The following RYR2 variants were observed in gnomAD, a reference collection of about 807,000 sequenced individuals.
The protein encoded by RYR2 is ryanodine receptor 2.
RYR2 carries 227 observed loss-of-function variants against 601.1 expected under a neutral mutation model. The observed-to-expected ratio is 0.38, with a 90% CI of 0.34 to 0.42. The LOEUF is 0.42. Ranked by LOEUF, RYR2 falls within the 10% of genes least tolerant of loss-of-function variation. RYR2 has a pLI of 1.00. For synonymous variants in RYR2, 2,223 were observed against 2,175.1 expected (o/e 1.02, Z -0.61); for missense variants, 4,646 against 6,156.5 (o/e 0.75, Z 8.21).
intron 24 of RYR2, among the ~76,000 whole-genome samples, chr1:237,522,206 C>G (rs1341499141): frequency 6.6e-6 from 1 of 152,090 alleles, no homozygotes; most frequent in East Asian, 1.9e-4. Flanking sequence ...CAGGGCTGTC[C>G]AATCTTCTGG....
At chr1:237,235,785 C>T (rs1685495738) in intron 1 of RYR2, among the ~76,000 whole-genome samples, 5 of 152,196 alleles carry the variant, frequency 3.3e-5, no homozygotes, top group Admixed American at 3.3e-4. Flanking sequence ...AGGCTAGGAA[C>T]TTGGTCATTA....
At chr1:237,541,754 T>C (rs1301238409) in intron 25 of RYR2, among the ~76,000 whole-genome samples, 2 of 152,050 alleles carry the variant, frequency 1.3e-5, no homozygotes, top group Non-Finnish European at 2.9e-5. Context: ...GGGGATTTGT[T>C]CTCTGGTGGG....
chr1:237,143,318 C>A (rs1673595910), intron 1 of RYR2, among the ~76,000 whole-genome samples: 2 of 152,180 alleles, frequency 1.3e-5, no homozygotes, highest in African/African-American at 4.8e-5. Context: ...CCGCCTGTAT[C>A]TCTGATCTCA....
intron 17 of RYR2, among the ~76,000 whole-genome samples, chr1:237,477,591 A>G (rs1209367406): frequency 6.6e-6 from 1 of 152,158 alleles, no homozygotes; most frequent in Non-Finnish European, 1.5e-5. Context: ...TGCTCATACC[A>G]TTCTAGTTAT....
chr1:237,653,682 G>T (rs541688442), intron 51 of RYR2, among the ~76,000 whole-genome samples: 1 of 152,134 alleles, frequency 6.6e-6, no homozygotes, highest in Non-Finnish European at 1.5e-5. Flanking sequence ...ACAATAGGCC[G>T]TCTGCAAGCT....
At chr1:237,693,531 AC>A (rs1398753923) in intron 63 of RYR2, among the ~76,000 whole-genome samples, 1 of 152,230 alleles carries the variant, frequency 6.6e-6, no homozygotes, top group African/African-American at 2.4e-5. Flanking sequence ...TGATGTTATT[AC>A]AAAAAGCCAG....
At chr1:237,417,787 T>A (rs1025068952) in intron 11 of RYR2, among the ~76,000 whole-genome samples, 1 of 152,158 alleles carries the variant, frequency 6.6e-6, no homozygotes, top group African/African-American at 2.4e-5. Flanking sequence ...TACAATATGA[T>A]GATAAAGGTG....
At position 237,798,275 on chromosome 1, in the gene RYR2, AATAG is replaced by A. The variant is rs144914602; in HGVS notation, c.14090+112_14090+115del. 5.0e-5 allele frequency: 52 copies of A among 1,038,230 alleles called. No homozygotes were observed. In the African/African-American group the frequency reaches 7.2e-4, roughly 14 times the overall value. The allele number at this position is 1,038,230 out of a possible 1,614,324, so 64.3% of individuals were successfully genotyped here. On this transcript the variant is annotated intron_variant, in intron 97 of 104. Coordinates refer to ENST00000366574, the MANE Select transcript of RYR2 (RefSeq NM_001035.3). ...ATTTCCTTTCCTTCAATGTCAGAAG[AATAG>A]ATAGATGAGGAAAACAGAAAGTATA...
chr1:237,598,247 A>G (rs778881754), intron 34 of RYR2, among the ~76,000 whole-genome samples: 2 of 152,240 alleles, frequency 1.3e-5, no homozygotes, highest in Non-Finnish European at 2.9e-5. Context: ...CAACAACAGC[A>G]GATAATCCAG....
At chr1:237,579,029 A>G (rs1000781180) in intron 29 of RYR2, among the ~76,000 whole-genome samples, 6 of 152,154 alleles carry the variant, frequency 3.9e-5, no homozygotes, top group South Asian at 2.1e-4. Context: ...GGGAAAAAAA[A>G]AGAAACAAAA....
intron 63 of RYR2, among the ~76,000 whole-genome samples, chr1:237,690,716 A>G (rs1018747739): frequency 1.3e-5 from 2 of 152,168 alleles, no homozygotes; most frequent in Admixed American, 6.5e-5. Context: ...ACAAAAAATT[A>G]GCCATGTCTG....
chr1:237,102,308 G>A (rs1312597231), intron 1 of RYR2, among the ~76,000 whole-genome samples: 1 of 152,162 alleles, frequency 6.6e-6, no homozygotes, highest in African/African-American at 2.4e-5. Flanking sequence ...GGGTGGTGGA[G>A]AGGCATCCAG....
chr1:237,673,913 T>C (rs1422651909), intron 58 of RYR2, among the ~76,000 whole-genome samples, 183 bp from the exon 59 acceptor site: 2 of 152,236 alleles, frequency 1.3e-5, no homozygotes, highest in Admixed American at 6.5e-5. Flanking sequence ...ACAGTCTTTC[T>C]GTGAGTAGTT....
At chr1:237,575,961 A>C (rs1673178385) in intron 29 of RYR2, among the ~76,000 whole-genome samples, 1 of 151,768 alleles carries the variant, frequency 6.6e-6, no homozygotes, top group South Asian at 2.1e-4. Context: ...TTCTAGCAGC[A>C]GTTAAGAAAA....
intron 8 of RYR2, among the ~76,000 whole-genome samples, chr1:237,383,722 C>A (rs1701756820): frequency 6.6e-6 from 1 of 152,238 alleles, no homozygotes; most frequent in East Asian, 1.9e-4. Context: ...AGCCACCGCG[C>A]CTGGCCCTTC....
intron 80 of RYR2, among the ~76,000 whole-genome samples, chr1:237,753,325 G>T (rs1272657379): frequency 6.6e-6 from 1 of 152,146 alleles, no homozygotes; most frequent in Non-Finnish European, 1.5e-5. Flanking sequence ...AGTTGTCGAA[G>T]AACTAAATAT....
chr1:237,073,282 G>A (rs1307918052), intron 1 of RYR2, among the ~76,000 whole-genome samples: 1 of 152,182 alleles, frequency 6.6e-6, no homozygotes, highest in African/African-American at 2.4e-5. Context: ...AGACAAGGAA[G>A]ATCGTGCCAG....
At chr1:237,555,899 T>C (rs901241981) in intron 27 of RYR2, among the ~76,000 whole-genome samples, 1 of 152,176 alleles carries the variant, frequency 6.6e-6, no homozygotes, top group Non-Finnish European at 1.5e-5. Flanking sequence ...CATAGAAATA[T>C]GCATTGCAAT....
chr1:237,300,339 AT>A (rs1693226899), intron 2 of RYR2, among the ~76,000 whole-genome samples: 1 of 151,984 alleles, frequency 6.6e-6, no homozygotes, highest in Admixed American at 6.6e-5. Context: ...TTCTGTTAAT[AT>A]TTTTCCCTTT....
Sources: gnomAD v4.1 joint callset for allele counts (sites outside exome capture counted in the v4.1 genomes callset) on GRCh38, gnomAD v4.1.1 for gene constraint, MANE v1.5 for transcripts, NCBI Gene and HGNC (gene_info 2026-07-23, HGNC 2026-07-21) for gene names.